Variants in MYO3B observed in about 807,000 individuals in gnomAD.
MYO3B encodes the protein myosin IIIB, also known as myosin-IIIb.
In MYO3B, 156 loss-of-function variants were observed where a neutral mutation model predicts 174.6. The ratio of observed to expected loss-of-function variants is 0.89; its 90% CI spans 0.78 to 1.02. The LOEUF is 1.02. Among genes scored for constraint, MYO3B ranks in the 50% least tolerant of loss-of-function variants. The pLI, the probability that MYO3B is intolerant of heterozygous loss-of-function variation, is 0.00. For synonymous variants in MYO3B, 563 were observed against 569.1 expected, an observed-to-expected ratio of 0.99 and a Z score of 0.15; for missense variants, 1,632 against 1,639.4, an observed-to-expected ratio of 1.00 and a Z score of 0.08.
chr2:170,292,275 A>C (rs2093601480), intron 7 of MYO3B, among the ~76,000 whole-genome samples: 1 of 152,130 alleles, frequency 6.6e-6, no homozygotes, highest in Admixed American at 6.5e-5. Flanking sequence ...TGATTTCTAA[A>C]ATTATTTTAA....
At chr2:170,230,336 ATTTTTTTTTTTTT>A (rs60171555) in intron 6 of MYO3B, among the ~76,000 whole-genome samples, 6 of 64,704 alleles carry the variant, frequency 9.3e-5, no homozygotes, top group African/African-American at 4.1e-4. Flanking sequence ...CGCCTGGCTA[ATTTTTTTTTTTTT>A]TTTTTTTTTT....
At chr2:170,464,465 G>C (rs976702538) in intron 24 of MYO3B, among the ~76,000 whole-genome samples, 9 of 152,258 alleles carry the variant, frequency 5.9e-5, no homozygotes, top group Non-Finnish European at 1.2e-4. Flanking sequence ...TGAGAGGTCA[G>C]GTGGATGGGA....
intron 16 of MYO3B, 58 bp from the exon 17 acceptor site, chr2:170,400,130 T>C (rs2094465428): frequency 5.0e-6 from 8 of 1,609,852 alleles, no homozygotes; most frequent in Non-Finnish European, 6.8e-6. Flanking sequence ...ACAGGTCTAA[T>C]GGTTCATTAG....
chr2:170,522,016 T>G (rs773349980), intron 30 of MYO3B, among the ~76,000 whole-genome samples: 1 of 152,186 alleles, frequency 6.6e-6, no homozygotes, highest in Non-Finnish European at 1.5e-5. Context: ...ATTGCCTTCT[T>G]CAGGTGCTTG....
intron 7 of MYO3B, among the ~76,000 whole-genome samples, chr2:170,270,793 G>A (rs1164611835): frequency 2.6e-5 from 4 of 152,140 alleles, no homozygotes; most frequent in African/African-American, 9.7e-5. Flanking sequence ...ACTCAACAAG[G>A]GAGCTACAAC....
chr2:170,463,315 C>T (rs1684423802), intron 23 of MYO3B, 53 bp from the exon 24 acceptor site: 6 of 1,507,878 alleles, frequency 4.0e-6, no homozygotes, highest in Non-Finnish European at 5.5e-6. Flanking sequence ...AGACATGGAG[C>T]ATGAGGTAAG....
At chr2:170,256,088 A>T (rs1398592036) in intron 7 of MYO3B, among the ~76,000 whole-genome samples, 1 of 152,214 alleles carries the variant, frequency 6.6e-6, no homozygotes, top group Non-Finnish European at 1.5e-5. Context: ...ACAAAAATAA[A>T]GAAAAATGAC....
At chr2:170,203,029 T>C (rs1263965335) in intron 3 of MYO3B, among the ~76,000 whole-genome samples, 2 of 152,132 alleles carry the variant, frequency 1.3e-5, no homozygotes, top group East Asian at 3.8e-4. Context: ...AAACAAAAGC[T>C]CTCTTTCATG....
chr2:170,607,691 C>A (rs1299380764), intron 32 of MYO3B, among the ~76,000 whole-genome samples: 1 of 152,172 alleles, frequency 6.6e-6, no homozygotes, highest in Non-Finnish European at 1.5e-5. Flanking sequence ...TAGCTAGCTA[C>A]ATTTTAGTTA....
chr2:170,247,621 C>T (rs796717267), intron 7 of MYO3B, among the ~76,000 whole-genome samples: 19 of 152,252 alleles, frequency 1.2e-4, no homozygotes, highest in African/African-American at 4.6e-4. Flanking sequence ...TTCTCACAGT[C>T]CTGGAAGCTG....
At chr2:170,455,809 T>G (rs1334860680) in intron 23 of MYO3B, among the ~76,000 whole-genome samples, 1 of 152,170 alleles carries the variant, frequency 6.6e-6, no homozygotes, top group Non-Finnish European at 1.5e-5. Context: ...AGGATGTTTA[T>G]CATGTGGGCA....
At chr2:170,519,198 G>A (rs1382801428) in intron 29 of MYO3B, among the ~76,000 whole-genome samples, 1 of 152,168 alleles carries the variant, frequency 6.6e-6, no homozygotes, top group Non-Finnish European at 1.5e-5. Context: ...TTGCCAGAGA[G>A]AGGTAGCTTG....
At chr2:170,178,390 G>T (rs72882094) in intron 1 of MYO3B, 101 bp downstream of exon 1, 117,901 of 1,467,316 alleles carry the variant, frequency 0.08, 5,350 homozygotes, top group Non-Finnish European at 0.092. Flanking sequence ...GGGCAGTGGA[G>T]GGGGATGACA....
intron 32 of MYO3B, among the ~76,000 whole-genome samples, chr2:170,624,407 G>T (rs376789275): frequency 6.6e-6 from 1 of 152,180 alleles, no homozygotes; most frequent in Admixed American, 6.5e-5. Flanking sequence ...ATTTTTGCAC[G>T]TTGATTTTGT....
intron 32 of MYO3B, among the ~76,000 whole-genome samples, chr2:170,614,161 C>T (rs933358142): frequency 2.0e-5 from 3 of 152,066 alleles, no homozygotes; most frequent in Non-Finnish European, 4.4e-5. Context: ...GACTTTGGTG[C>T]CAAATGAATC....
chr2:170,640,151 T>C lies in MYO3B; in HGVS notation c.3734-11477T>C, dbSNP rs115417674. Among the ~76,000 whole-genome samples the C allele has an allele frequency of 2.8e-3, 433 of 152,348 alleles. 2 individuals are homozygous for C. The highest frequency in any genetic ancestry group is 0.01 in the African/African-American group (426 of 41,582). ...AATCACTGGGAAGGAGGAGGAACTT[T>C]GTTTTAAACAAGTAACAATGCCAGA... On this transcript the variant is annotated intron_variant, in intron 32 of 34. Coordinates refer to ENST00000408978, the MANE Select transcript of MYO3B (RefSeq NM_138995.5).
At chr2:170,459,538 A>AGTCCCC (rs567322433) in intron 23 of MYO3B, among the ~76,000 whole-genome samples, 87 of 152,280 alleles carry the variant, frequency 5.7e-4, no homozygotes, top group African/African-American at 2.1e-3. Flanking sequence ...AAGTTCTCCA[A>AGTCCCC]GTCCCCACCC....
chr2:170,406,450 T>C (rs1469087601), intron 21 of MYO3B, among the ~76,000 whole-genome samples: 1 of 152,212 alleles, frequency 6.6e-6, no homozygotes, highest in Non-Finnish European at 1.5e-5. Flanking sequence ...GGGGATTATT[T>C]TTCTCTCCAC....
intron 30 of MYO3B, among the ~76,000 whole-genome samples, chr2:170,535,907 C>G (rs1036201861): frequency 2.0e-5 from 3 of 152,248 alleles, no homozygotes; most frequent in Non-Finnish European, 4.4e-5. Context: ...TACTGCGTCT[C>G]TTGTTTTATC....
Sources: gnomAD v4.1 joint callset for allele counts (sites outside exome capture counted in the v4.1 genomes callset) on GRCh38, gnomAD v4.1.1 for gene constraint, MANE v1.5 for transcripts, NCBI Gene and HGNC (gene_info 2026-07-23, HGNC 2026-07-21) for gene names.